The following RTN4IP1 variants were observed in gnomAD, a reference collection of about 807,000 sequenced individuals.
RTN4IP1 encodes the protein NAD(P)H oxidoreductase RTN4IP1, mitochondrial.
RTN4IP1 carries 32 observed loss-of-function variants against 46.6 expected under a neutral mutation model. That is an observed-to-expected ratio of 0.69 (90% confidence interval 0.52 to 0.92). The LOEUF is 0.92. Among genes scored for constraint, RTN4IP1 ranks in the 40% least tolerant of loss-of-function variants. RTN4IP1 has a pLI of 0.00. For missense variants in RTN4IP1, 424 were observed against 485.8 expected, an observed-to-expected ratio of 0.87 and a Z score of 1.20; for synonymous variants, 167 against 161.8, an observed-to-expected ratio of 1.03 and a Z score of -0.24.
At chr6:106,606,352 G>A (rs764156027) in intron 4 of RTN4IP1, among the ~76,000 whole-genome samples, 11 of 151,872 alleles carry the variant, frequency 7.2e-5, no homozygotes, top group Middle Eastern at 3.4e-3. Context: ...CCAGGAAGGC[G>A]GAGGTTGCAG....
At chr6:106,619,606 ATTTT>A (rs869120910) in intron 3 of RTN4IP1, among the ~76,000 whole-genome samples, 6,821 of 110,260 alleles carry the variant, frequency 0.062, 274 homozygotes, top group East Asian at 0.19. Flanking sequence ...ACTTTTCTTC[ATTTT>A]TTTTTTTTTT....
rs1272913917 is a variant in RTN4IP1, at chr6:106,616,731, A to C, written c.620+2471T>G. ...CTCATTATAGAATTTCTTCATTAAA[A>C]GTATTTTTACAGTATTTTAAGGTGC... On this transcript the variant is annotated intron_variant, in intron 4 of 8. Transcript: ENST00000369063. Among the ~76,000 whole-genome samples the C allele has an allele frequency of 3.9e-5, 6 of 152,370 alleles. No homozygotes were observed. In the East Asian group the frequency reaches 1.2e-3, roughly 29 times the overall value.
intron 8 of RTN4IP1, among the ~76,000 whole-genome samples, chr6:106,580,779 T>C (rs1346054740): frequency 6.6e-6 from 1 of 151,690 alleles, no homozygotes; most frequent in East Asian, 1.9e-4. Context: ...ACTCAGCAAT[T>C]CCATTTCCAT....
intron 4 of RTN4IP1, among the ~76,000 whole-genome samples, chr6:106,618,363 T>C (rs928263261): frequency 6.6e-6 from 1 of 152,228 alleles, no homozygotes; most frequent in Non-Finnish European, 1.5e-5. Flanking sequence ...CGGTTCTTAG[T>C]ATCTAGTTTT....
intron 1 of RTN4IP1, among the ~76,000 whole-genome samples, chr6:106,628,336 A>G (rs1292242589): frequency 1.3e-5 from 2 of 151,520 alleles, no homozygotes; most frequent in Admixed American, 1.3e-4. Context: ...GTGTGGTGGC[A>G]TGCGCCTGTA....
chr6:106,613,739 A>C (rs1776284855), intron 4 of RTN4IP1, among the ~76,000 whole-genome samples: 1 of 152,180 alleles, frequency 6.6e-6, no homozygotes, highest in South Asian at 2.1e-4. Context: ...CCCCTGCAGC[A>C]TTAACATCAA....
chr6:106,606,817 T>A (rs1026674921), intron 4 of RTN4IP1, among the ~76,000 whole-genome samples: 1 of 152,164 alleles, frequency 6.6e-6, no homozygotes, highest in Non-Finnish European at 1.5e-5. Context: ...GTTGTTAAAA[T>A]GAACAAACCA....
chr6:106,621,473 A>G lies in RTN4IP1; in HGVS notation c.447T>C (p.Pro149=), dbSNP rs376863354. ...ACTCTGAAAGAGTGCCTTGTTTCCA[A>G]GGAGGAACTGCAGCCCAGACCTGAA... ...PGDEVWAAVP[P]WKQGTLSEFV... Residue 149 remains proline, a synonymous_variant, in exon 3 of 9, where the codon CCT becomes CCC. Coordinates refer to ENST00000369063, the MANE Select transcript of RTN4IP1 (RefSeq NM_032730.5). The G allele has an allele frequency of 3.5e-5, 57 of 1,613,860 alleles. No homozygotes were observed. The highest frequency in any genetic ancestry group is 4.8e-5 in the Non-Finnish European group (57 of 1,179,948).
chr6:106,629,207 T>A lies in RTN4IP1; in HGVS notation c.-186A>T. 1.7e-6 allele frequency: 1 copy of A among 604,734 alleles called. No homozygotes were observed. The highest frequency in any genetic ancestry group is 2.1e-5 in the South Asian group (1 of 47,814). 37.5% of individuals were successfully genotyped at this position (604,734 alleles called of 1,614,324 possible). A position where few individuals can be genotyped will look rare whatever the true frequency, so the allele number is the denominator to read the frequency against. ...CTGAAAGAAGAATACGGAACTGTTA[T>A]TCCGCTCTTCGCATATGAAATGCTC... On this transcript the variant is annotated 5_prime_UTR_variant, in exon 1 of 9. Coordinates refer to ENST00000369063, the MANE Select transcript of RTN4IP1 (RefSeq NM_032730.5).
chr6:106,619,178 G>A (rs1436136109), intron 4 of RTN4IP1, 24 bp downstream of exon 4: 1 of 1,612,368 alleles, frequency 6.2e-7, no homozygotes, highest in African/African-American at 1.3e-5. Context: ...AGGTTTAGAT[G>A]CTGCCACTGA....
intron 4 of RTN4IP1, among the ~76,000 whole-genome samples, chr6:106,611,701 T>C (rs1776229378): frequency 6.6e-6 from 1 of 152,164 alleles, no homozygotes. Flanking sequence ...AAAATATAGC[T>C]ACAAAACAAA....
intron 7 of RTN4IP1, among the ~76,000 whole-genome samples, chr6:106,584,502 G>A (rs1775440224): frequency 6.6e-6 from 1 of 152,192 alleles, no homozygotes; most frequent in African/African-American, 2.4e-5. Flanking sequence ...GCTGAAAAAT[G>A]CAATGGAAAC....
intron 3 of RTN4IP1, among the ~76,000 whole-genome samples, chr6:106,620,658 G>A (rs1776464863): frequency 6.6e-6 from 1 of 151,532 alleles, no homozygotes; most frequent in Admixed American, 6.6e-5. Flanking sequence ...TGCATATCTT[G>A]GAGTAGGGTA....
intron 7 of RTN4IP1, among the ~76,000 whole-genome samples, chr6:106,585,504 A>C (rs1775461909): frequency 6.6e-6 from 1 of 152,222 alleles, no homozygotes; most frequent in South Asian, 2.1e-4. Context: ...TTAAAGAAGG[A>C]ACAGAAATGG....
rs1049804880 is a variant in RTN4IP1 at position 106,572,165 on chromosome 6, A to G, written c.1084-62T>C. On this transcript the variant is annotated intron_variant, in intron 8 of 8. Transcript: ENST00000369063. ...GCCTACATCTTTCAAGGCAGATGACATTGCTAATTAGTTTCTTGACGGTGT... is the reference window on the plus strand; with the variant it reads ...GCCTACATCTTTCAAGGCAGATGACGTTGCTAATTAGTTTCTTGACGGTGT... 5 of 1,282,190 alleles carry G rather than the reference A, an allele frequency of 3.9e-6. No individual in the cohort carries two copies. The African/African-American group carries it at 4.4e-5, about 11-fold the overall frequency. The allele number at this position is 1,282,190 out of a possible 1,614,324, so 79.4% of individuals were successfully genotyped here.
At chr6:106,626,748 T>C (rs1436611760) in intron 1 of RTN4IP1, among the ~76,000 whole-genome samples, 1 of 152,186 alleles carries the variant, frequency 6.6e-6, no homozygotes, top group Non-Finnish European at 1.5e-5. Flanking sequence ...AAGTGTTCCA[T>C]CCTATTGACA....
At chr6:106,599,836 C>CT (rs1358941422) in intron 5 of RTN4IP1, among the ~76,000 whole-genome samples, 3,262 of 117,054 alleles carry the variant, frequency 0.028, 87 homozygotes, top group African/African-American at 0.079. Flanking sequence ...TTGTGCTGTC[C>CT]TTTTTTTTTT....
chr6:106,605,119 C>T (rs992996690), intron 4 of RTN4IP1, among the ~76,000 whole-genome samples: 2 of 152,166 alleles, frequency 1.3e-5, no homozygotes, highest in Non-Finnish European at 2.9e-5. Context: ...AACCAGACTG[C>T]CTGGCACCCC....
intron 6 of RTN4IP1, 115 bp from the exon 7 acceptor site, chr6:106,587,977 CTG>C: frequency 1.2e-6 from 1 of 862,984 alleles, no homozygotes; most frequent in Non-Finnish European, 1.7e-6. Context: ...AAATCTTAAA[CTG>C]TGCTGCACCT....
Sources: allele counts gnomAD v4.1 joint callset (sites outside exome capture counted in the v4.1 genomes callset), GRCh38; gene constraint gnomAD v4.1.1; transcripts MANE v1.5; gene names NCBI Gene and HGNC (gene_info 2026-07-23, HGNC 2026-07-21).